Variants in SOS1 observed in about 807,000 individuals in gnomAD.
SOS1 encodes the protein son of sevenless homolog 1.
In SOS1, 25 loss-of-function variants were observed where a neutral mutation model predicts 157.6. That is an observed-to-expected ratio of 0.16 (90% CI 0.12 to 0.22). SOS1 has a LOEUF of 0.22. Ranked by LOEUF, SOS1 falls within the 10% of genes least tolerant of loss-of-function variation. SOS1 has a pLI of 1.00. For missense variants in SOS1, 1,237 were observed against 1,599.1 expected, an observed-to-expected ratio of 0.77 and a Z score of 3.86; for synonymous variants, 528 against 534.0, an observed-to-expected ratio of 0.99 and a Z score of 0.16.
chr2:39,071,485 G>C (rs572106180), intron 1 of SOS1, among the ~76,000 whole-genome samples: 8 of 152,034 alleles, frequency 5.3e-5, no homozygotes, highest in East Asian at 1.9e-4. Context: ...AATCATCATT[G>C]GTTACACAAA....
At chr2:39,039,445 T>C (rs1670478573) in intron 6 of SOS1, among the ~76,000 whole-genome samples, 1 of 152,244 alleles carries the variant, frequency 6.6e-6, no homozygotes, top group South Asian at 2.1e-4. Context: ...CAACATTTGA[T>C]ACTATCAGAC....
chr2:39,024,043 AT>A lies in SOS1; in HGVS notation c.1168del (p.Ile390TyrfsTer11). 1 of 1,602,888 alleles carries A rather than the reference AT, an allele frequency of 6.2e-7. No individual in the cohort carries two copies. Among genetic ancestry groups the A allele is most frequent in the Non-Finnish European group, 8.5e-7 (1 of 1,170,102 alleles). On this transcript the variant is annotated frameshift_variant, in exon 9 of 23. Transcript: ENST00000402219. LOFTEE classifies it high-confidence loss of function. ...LLNVQSGMEK[I>X]CSKSLAKRRL... The stretch of plus-strand genomic sequence containing the variant: ...TCGTTTTGCAAGACTTTTAGAACAT[AT>A]TTTTTCCATACCACTCTGAACATTA...
At chr2:39,110,068 G>GTGTGTGTGTGTGTT (rs1395301175) in intron 1 of SOS1, among the ~76,000 whole-genome samples, 2,557 of 148,236 alleles carry the variant, frequency 0.017, 78 homozygotes, top group African/African-American at 0.063. Flanking sequence ...GTGTGTGTGT[G>GTGTGTGTGTGTGTT]TGTGTGTGTG....
chr2:39,108,239 C>A lies in SOS1; in HGVS notation c.87+12097G>T, dbSNP rs549464683. ...AGCCACCTATCATCCCTTCCATGAA[C>A]TACTGCAAAATCTCCTCAACTGGCT... On this transcript the variant is annotated intron_variant, in intron 1 of 22. Coordinates refer to ENST00000402219, the MANE Select transcript of SOS1 (RefSeq NM_005633.4). Among the ~76,000 whole-genome samples, 6 of 152,326 alleles carry A rather than the reference C, an allele frequency of 3.9e-5. No homozygotes were observed. The East Asian group carries it at 1.2e-3, about 29-fold the overall frequency.
At chr2:39,025,509 C>G (rs1358938438) in intron 8 of SOS1, among the ~76,000 whole-genome samples, 1 of 151,696 alleles carries the variant, frequency 6.6e-6, no homozygotes, top group African/African-American at 2.4e-5. Context: ...GTCACCACAC[C>G]TGACTGATTT....
rs552880265 is a variant in SOS1 at position 39,107,187 on chromosome 2, G to A, written c.87+13149C>T. Among the ~76,000 whole-genome samples the A allele has an allele frequency of 3.9e-5, 6 of 152,072 alleles. No individual in the cohort carries two copies. The East Asian group carries it at 9.7e-4, about 25-fold the overall frequency. ...AATTAGGCAATTCATAGCCAGAGAT[G>A]ACCCTAATTGATCATGAGAACGAGC... On this transcript the variant is annotated intron_variant, in intron 1 of 22. Coordinates refer to ENST00000402219, the MANE Select transcript of SOS1 (RefSeq NM_005633.4).
At position 39,014,722 on chromosome 2, in the gene SOS1, T is replaced by C. The variant is rs1177963675; in HGVS notation, c.1940+43A>G. The C allele has an allele frequency of 3.6e-6, 4 of 1,102,520 alleles. No homozygotes were observed. The East Asian group carries it at 9.9e-5, about 27-fold the overall frequency. The allele number at this position is 1,102,520 out of a possible 1,614,324, so 68.3% of individuals were successfully genotyped here. A position where few individuals can be genotyped will look rare whatever the true frequency, so the allele number is the denominator to read the frequency against. On this transcript the variant is annotated intron_variant, in intron 11 of 22. Coordinates refer to ENST00000402219, the MANE Select transcript of SOS1 (RefSeq NM_005633.4). ...AAGGATCTTAGCTCAATCTCTTTTT[T>C]AACAAAAAATAATGAATTTAAATAT... is the stretch of plus-strand genomic sequence containing the variant.
chr2:39,010,240 C>T (rs369917324), intron 15 of SOS1, among the ~76,000 whole-genome samples: 2 of 150,864 alleles, frequency 1.3e-5, no homozygotes, highest in East Asian at 1.9e-4. Context: ...TGCTTGAACC[C>T]GGAAGGTGGA....
intron 1 of SOS1, among the ~76,000 whole-genome samples, chr2:39,101,150 G>A (rs921248411): frequency 6.6e-6 from 1 of 152,134 alleles, no homozygotes; most frequent in Non-Finnish European, 1.5e-5. Flanking sequence ...AGAGCCAAAG[G>A]GGGAGCAAAT....
At chr2:39,117,135 T>G (rs947744981) in intron 1 of SOS1, among the ~76,000 whole-genome samples, 3 of 151,894 alleles carry the variant, frequency 2.0e-5, no homozygotes, top group Admixed American at 6.6e-5. Context: ...TTCAAGCTAT[T>G]CTCCTGCCTC....
chr2:39,063,105 A>G (rs1160811317), intron 2 of SOS1, among the ~76,000 whole-genome samples: 1 of 152,142 alleles, frequency 6.6e-6, no homozygotes, highest in Non-Finnish European at 1.5e-5. Flanking sequence ...ATACAATGTA[A>G]TAACTATTTA....
At chr2:39,119,668 G>C (rs937253524) in intron 1 of SOS1, among the ~76,000 whole-genome samples, 12 of 152,174 alleles carry the variant, frequency 7.9e-5, no homozygotes, top group African/African-American at 2.4e-4. Context: ...TGTAACTTCA[G>C]GTAACAATGT....
rs751042920 is a variant in SOS1, at chr2:38,989,301, G to T, written c.3360C>A (p.Val1120=). The T allele has an allele frequency of 4.4e-6, 7 of 1,606,884 alleles. No individual in the cohort carries two copies. The Admixed American group carries it at 1.2e-4, about 27-fold the overall frequency. The change falls in exon 21 of 23, where the codon GTC becomes GTA. Residue 1120 remains valine (V), a synonymous_variant. Coordinates refer to ENST00000402219, the MANE Select transcript of SOS1 (RefSeq NM_005633.4). ...CATGGGGCAGAGTAACTTGGATAAAGACGGTATCATTGCCTGTGAAAGGAA... is the reference window on the plus strand; with the variant it reads ...CATGGGGCAGAGTAACTTGGATAAATACGGTATCATTGCCTGTGAAAGGAA... The part of the protein sequence containing the change: ...SSPFHSSNDT[V]FIQVTLPHGP...
chr2:39,120,269 C>G, intron 1 of SOS1, 67 bp downstream of exon 1: 3 of 1,442,438 alleles, frequency 2.1e-6, no homozygotes, highest in African/African-American at 1.5e-5. Context: ...CCCCGCCTCC[C>G]CAGCCCTTCC....
At chr2:39,093,705 G>T (rs1672671302) in intron 1 of SOS1, among the ~76,000 whole-genome samples, 1 of 152,216 alleles carries the variant, frequency 6.6e-6, no homozygotes, top group Non-Finnish European at 1.5e-5. Flanking sequence ...AGCTGGAGAT[G>T]AGATCAGAGA....
At chr2:39,036,318 G>A (rs1056852008) in intron 6 of SOS1, among the ~76,000 whole-genome samples, 2 of 152,140 alleles carry the variant, frequency 1.3e-5, no homozygotes, top group Middle Eastern at 3.2e-3. Flanking sequence ...AGGTTGTTAT[G>A]AATTAAATCA....
chr2:39,055,502 G>GATTC (rs1671183397), intron 4 of SOS1, among the ~76,000 whole-genome samples: 1 of 151,962 alleles, frequency 6.6e-6, no homozygotes, highest in Non-Finnish European at 1.5e-5. Flanking sequence ...TTATTTATCT[G>GATTC]ATTCATTAAA....
chr2:39,067,584 C>A (rs1671633370), intron 2 of SOS1, 44 bp downstream of exon 2: 3 of 1,577,680 alleles, frequency 1.9e-6, no homozygotes, highest in Non-Finnish European at 2.6e-6. Flanking sequence ...ACAACCAACA[C>A]ACAAATTAGA....
chr2:39,095,787 G>T (rs965687469), intron 1 of SOS1, among the ~76,000 whole-genome samples: 1 of 152,190 alleles, frequency 6.6e-6, no homozygotes, highest in Non-Finnish European at 1.5e-5. Context: ...AATGAAGCAG[G>T]AAAATTATTT....
Sources: gnomAD v4.1 joint callset for allele counts (sites outside exome capture counted in the v4.1 genomes callset) on GRCh38, gnomAD v4.1.1 for gene constraint, MANE v1.5 for transcripts, NCBI Gene and HGNC (gene_info 2026-07-23, HGNC 2026-07-21) for gene names.